The following FAM9C variants were observed in gnomAD, a reference collection of about 807,000 sequenced individuals.
The protein encoded by FAM9C is family with sequence similarity 9 member C.
FAM9C carries 15 observed loss-of-function variants against 14.8 expected under a neutral mutation model. That is an observed-to-expected ratio of 1.02 (90% CI 0.68 to 1.56). The LOEUF (loss-of-function observed/expected upper bound fraction) is 1.56. Ranked by LOEUF, FAM9C falls within the 40% of genes most tolerant of loss-of-function variation. The pLI, the probability that FAM9C is intolerant of heterozygous loss-of-function variation, is 0.00. For synonymous variants in FAM9C, 45 were observed against 37.5 expected, an observed-to-expected ratio of 1.20 and a Z score of -0.74; for missense variants, 116 against 118.0, an observed-to-expected ratio of 0.98 and a Z score of 0.08.
rs771397254 is a variant in FAM9C at position 13,043,129 on chromosome X, C to A, written c.181G>T (p.Gly61Trp). 2.1e-5 allele frequency: 25 copies of A among 1,204,740 alleles called. No homozygotes were observed. The highest frequency in any genetic ancestry group is 3.5e-5 in the African/African-American group (2 of 56,913). The change falls in exon 3 of 8, where the codon GGG (glycine) becomes TGG (tryptophan). Residue 61 changes from glycine (G) to tryptophan (W), a missense_variant and splice_region_variant. By Grantham distance (184) the Gly-to-Trp change is radical. Transcript: ENST00000380625. Reference sequence around the variant, plus strand: ...GCAAAAGGGACTTAAACACTTTACCCCGTGTGTTCATCTGTTTCAGCAAAA... The same window carrying A: ...GCAAAAGGGACTTAAACACTTTACCACGTGTGTTCATCTGTTTCAGCAAAA... ...GSFAETDEHTGVDTKELEDIA... is the reference protein window; with the variant it reads ...GSFAETDEHTWVDTKELEDIA...
chrX:13,039,622 G>A (rs1196590433), intron 6 of FAM9C, among the ~76,000 whole-genome samples, 186 bp downstream of exon 6: 1 of 112,053 alleles, frequency 8.9e-6, no homozygotes, highest in African/African-American at 3.2e-5. Flanking sequence ...TCATCGCTAT[G>A]ATGCTGACTT....
intron 7 of FAM9C, chrX:13,036,346 A>C (rs957715255): frequency 8.9e-5 from 10 of 112,347 alleles, no homozygotes; most frequent in African/African-American, 3.2e-4. Context: ...CTGGTCATTT[A>C]TTTCAAATTT....
chrX:13,044,321 A>ACCCCCCCCCCCC (rs748879259), intron 1 of FAM9C, among the ~76,000 whole-genome samples: 6 of 76,828 alleles, frequency 7.8e-5, no homozygotes, highest in Non-Finnish European at 9.8e-5. Context: ...TGACCCCCCG[A>ACCCCCCCCCCCC]CCCCCCCCCA....
chrX:13,040,033 C>A, intron 5 of FAM9C, 117 bp from the exon 6 acceptor site: 1 of 594,883 alleles, frequency 1.7e-6, no homozygotes, highest in South Asian at 4.4e-5. Flanking sequence ...GGAGTAATAG[C>A]AGCTGAAATC....
chrX:13,040,749 C>A lies in FAM9C; in HGVS notation c.329+9G>T. 1 of 1,105,582 alleles carries A rather than the reference C, an allele frequency of 9.0e-7. No homozygotes were observed. The highest frequency in any genetic ancestry group is 1.2e-6 in the Non-Finnish European group (1 of 822,691). 91.1% of individuals were successfully genotyped at this position (1,105,582 alleles called of 1,213,427 possible). On this transcript the variant is annotated intron_variant, in intron 5 of 7. Coordinates refer to ENST00000380625, the MANE Select transcript of FAM9C (RefSeq NM_174901.6). ...AAATATCATTATTCAAAAAAGCCAA[C>A]AATCATACCTTTTTAGTTGTGTTGT...
At chrX:13,039,770 T>TACA in intron 6 of FAM9C, 38 bp downstream of exon 6, 1 of 1,175,240 alleles carries the variant, frequency 8.5e-7, no homozygotes, top group East Asian at 3.0e-5. Flanking sequence ...GAGACATTGA[T>TACA]ACAATAGGTT....
chrX:13,044,515 C>T (rs905355152), intron 1 of FAM9C, 25 bp downstream of exon 1: 2 of 111,963 alleles, frequency 1.8e-5, no homozygotes, highest in African/African-American at 6.5e-5. Flanking sequence ...CCGCCTTCCC[C>T]GCATCCCCAC....
chrX:13,043,817 C>T lies in FAM9C; in HGVS notation c.-28G>A. 4 of 1,205,475 alleles carry T rather than the reference C, an allele frequency of 3.3e-6. No individual in the cohort carries two copies. The highest frequency in any genetic ancestry group is 4.5e-6 in the Non-Finnish European group (4 of 889,684). ...TGCTGCCCTTCCTGCCCACGGGCTCCGTGGCTGACTGGCCTGGGAAGCTAG... is the reference window on the plus strand; with the variant it reads ...TGCTGCCCTTCCTGCCCACGGGCTCTGTGGCTGACTGGCCTGGGAAGCTAG... On this transcript the variant is annotated 5_prime_UTR_variant, in exon 2 of 8. Coordinates refer to ENST00000380625, the MANE Select transcript of FAM9C (RefSeq NM_174901.6).
chrX:13,043,076 A>C, intron 3 of FAM9C, 52 bp downstream of exon 3: 1 of 1,184,925 alleles, frequency 8.4e-7, no homozygotes, highest in Non-Finnish European at 1.1e-6. Flanking sequence ...TCCAAAGCTG[A>C]CTTTTCCTAA....
Position 13,043,603 on chromosome X carries a change from A to T in FAM9C, c.61+126T>A, listed in dbSNP as rs1184486223. On this transcript the variant is annotated intron_variant, in intron 2 of 7. Coordinates refer to ENST00000380625, the MANE Select transcript of FAM9C (RefSeq NM_174901.6). ...TTGAAAACCTGGGGCATCTCAGCAC[A>T]TGCACGGTGAGCTCCAAAGCCACGA... 4 of 824,709 alleles carry T rather than the reference A, an allele frequency of 4.9e-6. No homozygotes were observed. The Middle Eastern group carries it at 1.2e-3, about 237-fold the overall frequency. 68.0% of individuals were successfully genotyped at this position (824,709 alleles called of 1,213,427 possible). A position where few individuals can be genotyped will look rare whatever the true frequency, so the allele number is the denominator to read the frequency against.
chrX:13,038,294 A>C lies in FAM9C; in HGVS notation c.*25+122T>G, dbSNP rs2043495560. ...CAACACATTCAAAGTGAAAATGGTA[A>C]GTAATTTAAAATGTATAACCAAAAT... On this transcript the variant is annotated intron_variant, in intron 7 of 7. Transcript: ENST00000380625. 2.0e-5 allele frequency: 9 copies of C among 457,963 alleles called. No individual in the cohort carries two copies. In the Admixed American group the frequency reaches 3.8e-4, roughly 19 times the overall value. The allele number at this position is 457,963 out of a possible 1,213,427, so 37.7% of individuals were successfully genotyped here.
At chrX:13,043,637 G>C in intron 2 of FAM9C, 92 bp downstream of exon 2, 1 of 1,075,364 alleles carries the variant, frequency 9.3e-7, no homozygotes, top group Admixed American at 2.2e-5. Flanking sequence ...GAAGGGGCCG[G>C]GGGCCTCGGG....
At chrX:13,044,321 A>ACCCCCC (rs748879259) in intron 1 of FAM9C, among the ~76,000 whole-genome samples, 53 of 76,803 alleles carry the variant, frequency 6.9e-4, no homozygotes, top group South Asian at 1.6e-3. Context: ...TGACCCCCCG[A>ACCCCCC]CCCCCCCCCA....
chrX:13,043,389 C>T (rs2043545258), intron 2 of FAM9C, 141 bp from the exon 3 acceptor site: 6 of 836,907 alleles, frequency 7.2e-6, no homozygotes, highest in Non-Finnish European at 8.2e-6. Context: ...ATGGAATCGC[C>T]GGCTCCTAAC....
chrX:13,043,650 G>GC (rs2043548879), intron 2 of FAM9C, 79 bp downstream of exon 2: 2 of 1,131,483 alleles, frequency 1.8e-6, no homozygotes, highest in Non-Finnish European at 2.4e-6. Flanking sequence ...GCCTCGGGCT[G>GC]CCCATGTGCG....
intron 5 of FAM9C, chrX:13,040,268 T>C: frequency 1.3e-6 from 1 of 745,921 alleles, no homozygotes; most frequent in Non-Finnish European, 1.6e-6. Context: ...AAGAATATCA[T>C]AGCCATTCAT....
At position 13,040,782 on chromosome X, in the gene FAM9C, A is replaced by G; in HGVS notation, c.305T>C (p.Val102Ala). 1 of 1,186,982 alleles carries G rather than the reference A, an allele frequency of 8.4e-7. No homozygotes were observed. The highest frequency in any genetic ancestry group is 3.0e-5 in the East Asian group (1 of 33,382). The change falls in exon 5 of 8, where the codon GTT becomes GCT. Residue 102 changes from valine to alanine, a missense_variant. Transcript: ENST00000380625. ...CCTTTTTAGTTGTGTTGTTCTCAAAACATTTTTAATTCTGTTCTTTATTTC... is the reference window on the plus strand; with the variant it reads ...CCTTTTTAGTTGTGTTGTTCTCAAAGCATTTTTAATTCTGTTCTTTATTTC... ...CSEIKNRIKN[V>A]LRTTQLKRQK...
At chrX:13,036,421 ATAT>A (rs2043480385) in intron 7 of FAM9C, 2 of 112,330 alleles carry the variant, frequency 1.8e-5, no homozygotes, top group South Asian at 7.3e-4. Flanking sequence ...TTTTAGTGAA[ATAT>A]TATTATAGCA....
intron 4 of FAM9C, 29 bp from the exon 5 acceptor site, chrX:13,040,901 G>A (rs1434013423): frequency 2.1e-6 from 2 of 934,230 alleles, no homozygotes; most frequent in Admixed American, 3.4e-5. Context: ...TGCATTAAAT[G>A]TTCATGTTGA....
Sources: allele counts gnomAD v4.1 joint callset (sites outside exome capture counted in the v4.1 genomes callset), GRCh38; gene constraint gnomAD v4.1.1; transcripts MANE v1.5; gene names NCBI Gene and HGNC (gene_info 2026-07-23, HGNC 2026-07-21).